The following GOLGA3 variants were observed in gnomAD, a reference collection of about 807,000 sequenced individuals.
The protein encoded by GOLGA3 is golgin subfamily A member 3.
A neutral mutation model predicts 169.4 loss-of-function variants in GOLGA3; 75 were observed. The observed-to-expected ratio is 0.44, with a 90% CI of 0.37 to 0.54. The LOEUF (loss-of-function observed/expected upper bound fraction) is 0.54. Ranked by LOEUF, GOLGA3 falls within the 20% of genes least tolerant of loss-of-function variation. The pLI, the probability that GOLGA3 is intolerant of heterozygous loss-of-function variation, is 0.00. For synonymous variants in GOLGA3, 824 were observed against 822.4 expected (o/e 1.00, Z -0.03); for missense variants, 1,899 against 1,930.0 (o/e 0.98, Z 0.30).
intron 6 of GOLGA3, among the ~76,000 whole-genome samples, 187 bp from the exon 7 acceptor site, chr12:132,805,209 A>ACCCTG (rs1168355087): frequency 2.1e-4 from 28 of 132,006 alleles, no homozygotes; most frequent in Non-Finnish European, 3.9e-4. Flanking sequence ...CTGACAGGGG[A>ACCCTG]CCCCAAGACC....
At chr12:132,798,140 G>A (rs1224489242) in intron 9 of GOLGA3, among the ~76,000 whole-genome samples, 200 bp downstream of exon 9, 4 of 120,320 alleles carry the variant, frequency 3.3e-5, no homozygotes, top group Non-Finnish European at 5.0e-5. Context: ...GTCACTGCAG[G>A]CCATCCATGC....
chr12:132,771,794 T>C lies in GOLGA3; in HGVS notation c.*1311A>G, dbSNP rs1431499879. The C allele has an allele frequency of 6.6e-6, 1 of 152,356 alleles. No individual in the cohort carries two copies. Among genetic ancestry groups the C allele is most frequent in the Non-Finnish European group, 1.5e-5 (1 of 68,082 alleles). 9.4% of individuals were successfully genotyped at this position (152,356 alleles called of 1,614,324 possible). Reference sequence around the variant, plus strand: ...TTTGTTACCGCCTGCGACCTACACCTGGCTGACTCCAGGGGAAACCGCGGG... The same window carrying C: ...TTTGTTACCGCCTGCGACCTACACCCGGCTGACTCCAGGGGAAACCGCGGG... On this transcript the variant is annotated 3_prime_UTR_variant, in exon 24 of 24. Transcript: ENST00000450791.
chr12:132,819,797 T>C (rs1396686828), intron 2 of GOLGA3, among the ~76,000 whole-genome samples: 7 of 152,180 alleles, frequency 4.6e-5, no homozygotes, highest in Admixed American at 4.6e-4. Flanking sequence ...CCCAGCACTT[T>C]GGGAGGCCGA....
In GOLGA3 at chr12:132,822,303, T is replaced by A; in HGVS notation, c.-175A>T. The A allele has an allele frequency of 1.5e-6, 2 of 1,354,380 alleles. No homozygotes were observed. Among genetic ancestry groups the A allele is most frequent in the Non-Finnish European group, 1.9e-6 (2 of 1,056,328 alleles). 83.9% of individuals were successfully genotyped at this position (1,354,380 alleles called of 1,614,324 possible). On this transcript the variant is annotated 5_prime_UTR_variant, in exon 2 of 24. Transcript: ENST00000450791. The stretch of plus-strand genomic sequence containing the variant: ...TGACTTGATGTCAAACCAGCTAATA[T>A]CATGATACCTGACAGGAGAGAGAGA...
At chr12:132,819,365 T>C (rs2136746578) in intron 2 of GOLGA3, among the ~76,000 whole-genome samples, 1 of 152,068 alleles carries the variant, frequency 6.6e-6, no homozygotes, top group South Asian at 2.1e-4. Flanking sequence ...CCGTCTCTAC[T>C]AAAAATACAA....
rs141407288 is a variant in GOLGA3, at chr12:132,821,677, A to C, written c.133+319T>G. On this transcript the variant is annotated intron_variant, in intron 2 of 23. Coordinates refer to ENST00000450791, the MANE Select transcript of GOLGA3 (RefSeq NM_001389683.1). Reference sequence around the variant, plus strand: ...AGACCATCTTGGCTAACACGGTGAAACCCCGTCTCTACTAAAAATACAAAA... The same window carrying C: ...AGACCATCTTGGCTAACACGGTGAACCCCCGTCTCTACTAAAAATACAAAA... Among the ~76,000 whole-genome samples, 189 of 151,214 alleles carry C rather than the reference A, an allele frequency of 1.2e-3. 6 individuals carry two copies. The East Asian group carries it at 0.036, about 29-fold the overall frequency.
In GOLGA3 at chr12:132,780,912, C is replaced by T; in HGVS notation, c.3468G>A (p.Val1156=). 1 of 1,607,840 alleles carries T rather than the reference C, an allele frequency of 6.2e-7. No homozygotes were observed. Residue 1156 remains valine, a splice_region_variant and synonymous_variant, in exon 18 of 24, where the codon GTG becomes GTA. Coordinates refer to ENST00000450791, the MANE Select transcript of GOLGA3 (RefSeq NM_001389683.1). ...EADLVQLNLQ[V]QAVLQRKEEE... Reference sequence around the variant, plus strand: ...CTTCTTTGCGCTGCAAAACTGCCTGCACCTAGATCAGATTGCAGGAGGACA... The same window carrying T: ...CTTCTTTGCGCTGCAAAACTGCCTGTACCTAGATCAGATTGCAGGAGGACA...
At chr12:132,823,588 C>T (rs553570028) in intron 1 of GOLGA3, among the ~76,000 whole-genome samples, 1 of 152,306 alleles carries the variant, frequency 6.6e-6, no homozygotes, top group South Asian at 2.1e-4. Flanking sequence ...GAGTTTGAGA[C>T]CAGCCTGGCC....
intron 12 of GOLGA3, among the ~76,000 whole-genome samples, chr12:132,790,211 G>A (rs1474517131): frequency 6.6e-6 from 1 of 152,138 alleles, no homozygotes. Flanking sequence ...GCCGGTGCCT[G>A]TAGTCCCAGC....
intron 13 of GOLGA3, among the ~76,000 whole-genome samples, chr12:132,788,648 G>A (rs1329720896): frequency 2.0e-5 from 3 of 152,274 alleles, no homozygotes; most frequent in African/African-American, 7.2e-5. Context: ...CTGACGTGGG[G>A]TCTCCACAAA....
At chr12:132,779,141 T>C (rs2045408938) in intron 18 of GOLGA3, among the ~76,000 whole-genome samples, 3 of 152,034 alleles carry the variant, frequency 2.0e-5, no homozygotes, top group Admixed American at 2.0e-4. Flanking sequence ...AGTGCAATGG[T>C]GTGATCTTGG....
At chr12:132,773,867 T>C (rs868263745) in intron 23 of GOLGA3, among the ~76,000 whole-genome samples, 9 of 122,796 alleles carry the variant, frequency 7.3e-5, no homozygotes, top group African/African-American at 2.9e-4. Flanking sequence ...CCGCAGAGGC[T>C]GTGAGTCCCT....
chr12:132,783,391 C>T (rs1350927131), intron 16 of GOLGA3, among the ~76,000 whole-genome samples: 1 of 152,182 alleles, frequency 6.6e-6, no homozygotes, highest in South Asian at 2.1e-4. Context: ...GCACTGAGCC[C>T]TGGCTAGGCC....
rs1237471448 is a variant in GOLGA3 at position 132,788,516 on chromosome 12, CCACT to C, written c.2811+507_2811+510del. Among the ~76,000 whole-genome samples, 5 of 152,126 alleles carry C rather than the reference CCACT, an allele frequency of 3.3e-5. No individual in the cohort carries two copies. In the East Asian group the frequency reaches 9.7e-4, roughly 30 times the overall value. On this transcript the variant is annotated intron_variant, in intron 13 of 23. Transcript: ENST00000450791. ...AAACTGTCACCAGCATCTCGGACAC[CCACT>C]GTGTGCAGAAGCCAGCCCAGGCTCA...
intron 3 of GOLGA3, among the ~76,000 whole-genome samples, chr12:132,815,395 C>T (rs1328190158): frequency 2.0e-5 from 3 of 152,196 alleles, no homozygotes; most frequent in African/African-American, 7.2e-5. Flanking sequence ...TGGGCCAGAG[C>T]TCACACATCT....
chr12:132,807,082 C>G, intron 6 of GOLGA3, 95 bp downstream of exon 6: 1 of 703,858 alleles, frequency 1.4e-6, no homozygotes. Context: ...GCGGCTGATT[C>G]CCAACCACAT....
intron 13 of GOLGA3, among the ~76,000 whole-genome samples, chr12:132,787,642 G>A (rs1402675540): frequency 1.4e-5 from 1 of 72,932 alleles, no homozygotes; most frequent in Non-Finnish European, 2.8e-5. Context: ...CGGAGACCAC[G>A]GGACCCCTCC....
chr12:132,785,673 T>C (rs2045860174), intron 15 of GOLGA3, among the ~76,000 whole-genome samples: 2 of 152,162 alleles, frequency 1.3e-5, no homozygotes, highest in Admixed American at 1.3e-4. Context: ...CATAAATTCT[T>C]AAGTGGACAG....
chr12:132,780,110 GCCC>G (rs1455904569), intron 18 of GOLGA3, among the ~76,000 whole-genome samples: 1 of 39,632 alleles, frequency 2.5e-5, no homozygotes, highest in African/African-American at 8.9e-5. Context: ...TGCACGCACA[GCCC>G]CCCGCGTGCA....
Sources: gnomAD v4.1 joint callset for allele counts (sites outside exome capture counted in the v4.1 genomes callset) on GRCh38, gnomAD v4.1.1 for gene constraint, MANE v1.5 for transcripts, NCBI Gene and HGNC (gene_info 2026-07-23, HGNC 2026-07-21) for gene names.